PALLD: variants seen among roughly 807,000 people sequenced by gnomAD.
PALLD encodes palladin, cytoskeletal associated protein.
PALLD carries 61 observed loss-of-function variants against 123.5 expected under a neutral mutation model. The ratio of observed to expected loss-of-function variants is 0.49; its 90% confidence interval spans 0.40 to 0.61. The LOEUF is 0.61. Ranked by LOEUF, PALLD falls within the 20% of genes least tolerant of loss-of-function variation. The pLI, the probability that PALLD is intolerant of heterozygous loss-of-function variation, is 0.00. For missense variants in PALLD, 1,273 were observed against 1,377.0 expected, an observed-to-expected ratio of 0.92 and a Z score of 1.20; for synonymous variants, 465 against 496.4, an observed-to-expected ratio of 0.94 and a Z score of 0.84.
chr4:168,620,604 A>T (rs566372794), intron 2 of PALLD, among the ~76,000 whole-genome samples: 2 of 152,336 alleles, frequency 1.3e-5, no homozygotes, highest in South Asian at 4.1e-4. Flanking sequence ...TTGATAGATA[A>T]CTTTGTGCAC....
chr4:168,601,554 C>T (rs1183574993), intron 2 of PALLD, among the ~76,000 whole-genome samples: 3 of 152,088 alleles, frequency 2.0e-5, no homozygotes, highest in Admixed American at 6.5e-5. Context: ...ATGCACAAAG[C>T]CAAATCAAAC....
intron 15 of PALLD, among the ~76,000 whole-genome samples, chr4:168,911,700 A>G (rs1758987070): frequency 6.6e-6 from 1 of 152,176 alleles, no homozygotes; most frequent in Non-Finnish European, 1.5e-5. Context: ...GGAATCCCAA[A>G]TGTTTGCCAA....
intron 10 of PALLD, among the ~76,000 whole-genome samples, chr4:168,865,119 G>A (rs901963884): frequency 7.2e-5 from 11 of 152,250 alleles, no homozygotes; most frequent in Non-Finnish European, 2.9e-5. Flanking sequence ...GGAAGGACTG[G>A]TGCTGCCCCC....
At chr4:168,611,047 G>A (rs1773678009) in intron 2 of PALLD, among the ~76,000 whole-genome samples, 1 of 152,164 alleles carries the variant, frequency 6.6e-6, no homozygotes, top group Non-Finnish European at 1.5e-5. Flanking sequence ...ATGAATCCTG[G>A]AAGCAGATCC....
intron 10 of PALLD, among the ~76,000 whole-genome samples, chr4:168,798,903 TA>T (rs1738898614): frequency 6.6e-6 from 1 of 152,194 alleles, no homozygotes; most frequent in Non-Finnish European, 1.5e-5. Context: ...AAAGAAGTGT[TA>T]AAAGAAAATC....
At chr4:168,520,932 T>A (rs1484213602) in intron 2 of PALLD, among the ~76,000 whole-genome samples, 1 of 152,216 alleles carries the variant, frequency 6.6e-6, no homozygotes. Context: ...TGGTATCTAG[T>A]CATGAGTAGC....
At chr4:168,566,772 TTAAAA>T (rs1162420567) in intron 2 of PALLD, among the ~76,000 whole-genome samples, 2 of 152,208 alleles carry the variant, frequency 1.3e-5, no homozygotes, top group African/African-American at 4.8e-5. Context: ...TAACCAGCTA[TTAAAA>T]TAAAGTGCTA....
intron 3 of PALLD, among the ~76,000 whole-genome samples, chr4:168,674,958 G>A (rs920569909): frequency 6.6e-6 from 1 of 152,112 alleles, no homozygotes; most frequent in Non-Finnish European, 1.5e-5. Flanking sequence ...GATGGGGAAA[G>A]GAAATGGAAT....
chr4:168,839,245 G>A (rs572842437), intron 10 of PALLD, among the ~76,000 whole-genome samples: 6 of 152,214 alleles, frequency 3.9e-5, no homozygotes, highest in East Asian at 1.9e-4. Flanking sequence ...GAGCCACCGC[G>A]ACTGGCTAAA....
chr4:168,500,633 C>T (rs1298758415), intron 1 of PALLD, among the ~76,000 whole-genome samples: 3 of 152,120 alleles, frequency 2.0e-5, no homozygotes, highest in African/African-American at 7.2e-5. Context: ...GCCTCAGCCT[C>T]CAACAGTGCT....
intron 2 of PALLD, among the ~76,000 whole-genome samples, chr4:168,600,188 C>T (rs116186181): frequency 0.02 from 3,055 of 151,908 alleles, 50 homozygotes; most frequent in Non-Finnish European, 0.033. Context: ...CATATATAAA[C>T]GGTGTGCGTG....
rs773065997 is a variant in PALLD, at chr4:168,925,106, G to A, written c.3358+28G>A. The A allele has an allele frequency of 1.1e-5, 17 of 1,611,204 alleles. No individual in the cohort carries two copies. In the South Asian group the frequency reaches 1.9e-4, roughly 18 times the overall value. On this transcript the variant is annotated intron_variant, in intron 20 of 21. Coordinates refer to ENST00000505667, the MANE Select transcript of PALLD (RefSeq NM_001166108.2). Reference sequence around the variant, plus strand: ...GAGTGCCACTTCATCTCATTTCATTGCGTTTACTCATTAAATTATGAAAAA... The same window carrying A: ...GAGTGCCACTTCATCTCATTTCATTACGTTTACTCATTAAATTATGAAAAA...
chr4:168,768,344 T>G (rs1000027388), intron 10 of PALLD, among the ~76,000 whole-genome samples: 1 of 152,214 alleles, frequency 6.6e-6, no homozygotes, highest in African/African-American at 2.4e-5. Context: ...GCTCTACCTG[T>G]GAGTGCTCTT....
At chr4:168,634,721 G>T (rs1324011923) in intron 2 of PALLD, among the ~76,000 whole-genome samples, 1 of 152,150 alleles carries the variant, frequency 6.6e-6, no homozygotes, top group East Asian at 1.9e-4. Context: ...GGTTAGAGAT[G>T]ATTTAAAAGG....
intron 10 of PALLD, among the ~76,000 whole-genome samples, chr4:168,742,211 T>C (rs1158483956): frequency 2.6e-5 from 4 of 152,234 alleles, no homozygotes; most frequent in Non-Finnish European, 5.9e-5. Flanking sequence ...TGGCAAGTGT[T>C]GTCCATCTCT....
intron 10 of PALLD, among the ~76,000 whole-genome samples, chr4:168,768,449 G>A (rs190359769): frequency 4.3e-4 from 66 of 152,310 alleles, no homozygotes; most frequent in Non-Finnish European, 8.7e-4. Context: ...ATGAAGGATA[G>A]AGGGAAGAAA....
intron 3 of PALLD, among the ~76,000 whole-genome samples, chr4:168,671,151 A>G (rs2150030701): frequency 6.6e-6 from 1 of 152,268 alleles, no homozygotes; most frequent in Admixed American, 6.5e-5. Context: ...TCATATATAT[A>G]CTATAAAATG....
At chr4:168,587,572 T>C (rs905709676) in intron 2 of PALLD, among the ~76,000 whole-genome samples, 1 of 152,136 alleles carries the variant, frequency 6.6e-6, no homozygotes, top group African/African-American at 2.4e-5. Context: ...AGGACAGCTG[T>C]GCCAGCATCT....
At chr4:168,657,989 A>T (rs1384991099) in intron 2 of PALLD, among the ~76,000 whole-genome samples, 1 of 152,166 alleles carries the variant, frequency 6.6e-6, no homozygotes, top group Non-Finnish European at 1.5e-5. Context: ...GTTCTCCTTT[A>T]TCTTTCTTTC....
Sources: gnomAD v4.1 joint callset for allele counts (sites outside exome capture counted in the v4.1 genomes callset) on GRCh38, gnomAD v4.1.1 for gene constraint, MANE v1.5 for transcripts, NCBI Gene and HGNC (gene_info 2026-07-23, HGNC 2026-07-21) for gene names.